Variants in SULF1 observed in about 807,000 individuals in gnomAD.
The protein encoded by SULF1 is extracellular sulfatase Sulf-1.
SULF1 carries 46 observed loss-of-function variants against 110.5 expected under a neutral mutation model. That is an observed-to-expected ratio of 0.42 (90% confidence interval 0.33 to 0.53). The LOEUF (loss-of-function observed/expected upper bound fraction) is 0.53. SULF1 is among the 20% of genes least tolerant of loss of function. SULF1 has a pLI of 0.12. For missense variants in SULF1, 941 were observed against 1,094.2 expected, an observed-to-expected ratio of 0.86 and a Z score of 1.98; for synonymous variants, 371 against 387.1, an observed-to-expected ratio of 0.96 and a Z score of 0.49.
intron 8 of SULF1, among the ~76,000 whole-genome samples, chr8:69,596,536 A>C (rs1807345363): frequency 1.3e-5 from 2 of 152,196 alleles, no homozygotes; most frequent in South Asian, 4.1e-4. Context: ...CTGGTATTTT[A>C]AATCAGGATG....
chr8:69,479,469 T>C (rs1473734852), intron 1 of SULF1, among the ~76,000 whole-genome samples: 1 of 152,192 alleles, frequency 6.6e-6, no homozygotes, highest in Admixed American at 6.5e-5. Context: ...TTCTCATTTG[T>C]AGGACAATTA....
chr8:69,534,519 A>G (rs1813307805), intron 3 of SULF1, among the ~76,000 whole-genome samples: 1 of 152,202 alleles, frequency 6.6e-6, no homozygotes, highest in African/African-American at 2.4e-5. Context: ...GAAGTTTTAG[A>G]ATATATAAGA....
chr8:69,581,138 G>T (rs563289814), intron 6 of SULF1, among the ~76,000 whole-genome samples: 1 of 152,072 alleles, frequency 6.6e-6, no homozygotes, highest in African/African-American at 2.4e-5. Context: ...ATCTAGTTGA[G>T]GAAACCAGAC....
At chr8:69,493,783 A>G (rs536368444) in intron 1 of SULF1, among the ~76,000 whole-genome samples, 1 of 152,374 alleles carries the variant, frequency 6.6e-6, no homozygotes, top group African/African-American at 2.4e-5. Flanking sequence ...CATGGACACT[A>G]ACTTTTTAAG....
intron 3 of SULF1, among the ~76,000 whole-genome samples, chr8:69,532,205 G>A (rs190980249): frequency 1.1e-4 from 17 of 152,158 alleles, no homozygotes; most frequent in African/African-American, 3.1e-4. Flanking sequence ...ATAAATCCTC[G>A]AACTTTATCT....
intron 17 of SULF1, 102 bp downstream of exon 17, chr8:69,627,968 T>C: frequency 1.0e-6 from 1 of 961,784 alleles, no homozygotes; most frequent in Non-Finnish European, 1.6e-6. Flanking sequence ...ATAGAATGTA[T>C]TGTCATAGAG....
chr8:69,582,504 A>G (rs1314519638), intron 6 of SULF1, among the ~76,000 whole-genome samples: 2 of 152,144 alleles, frequency 1.3e-5, no homozygotes, highest in African/African-American at 4.8e-5. Flanking sequence ...TTAATCCTCA[A>G]AACAATCCTG....
At chr8:69,507,202 A>T (rs968270607) in intron 3 of SULF1, among the ~76,000 whole-genome samples, 1 of 152,236 alleles carries the variant, frequency 6.6e-6, no homozygotes, top group Admixed American at 6.5e-5. Flanking sequence ...ATCAGGCCAG[A>T]TGTTTTAAAT....
chr8:69,510,945 TACACACACAC>T lies in SULF1; in HGVS notation c.-134+9009_-134+9018del, dbSNP rs56386460. 4.6e-4 allele frequency among the ~76,000 whole-genome samples: 65 copies of T among 141,226 alleles called. 1 individual carries two copies. The highest frequency in any genetic ancestry group is 1.1e-3 in the East Asian group (5 of 4,614). 92.6% of individuals were successfully genotyped at this position (141,226 alleles called of 152,430 possible). A position where few individuals can be genotyped will look rare whatever the true frequency, so the allele number is the denominator to read the frequency against. On this transcript the variant is annotated intron_variant, in intron 3 of 22. Coordinates refer to ENST00000402687, the MANE Select transcript of SULF1 (RefSeq NM_001128205.2). Reference sequence around the variant, plus strand: ...TAATAATGTTAGTCCATATCATCATTACACACACACACACACACACACACACACACACACA... The same window carrying T: ...TAATAATGTTAGTCCATATCATCATTACACACACACACACACACACACACA...
At chr8:69,592,350 A>C (rs77130882) in intron 8 of SULF1, among the ~76,000 whole-genome samples, 1 of 152,168 alleles carries the variant, frequency 6.6e-6, no homozygotes. Context: ...GCAGAGAGTC[A>C]CTGGAGGTTG....
In SULF1 at chr8:69,610,867, G is replaced by A. The variant is rs1406413379; in HGVS notation, c.1377+5935G>A. 2.0e-5 allele frequency among the ~76,000 whole-genome samples: 3 copies of A among 151,748 alleles called. No homozygotes were observed. In the East Asian group the frequency reaches 5.8e-4, roughly 29 times the overall value. ...GTGAATCCCACTTTCTCACTTGCAT[G>A]GAGGTTGTTACTTCTCTCTTCTCAC... On this transcript the variant is annotated intron_variant, in intron 13 of 22. Coordinates refer to ENST00000402687, the MANE Select transcript of SULF1 (RefSeq NM_001128205.2).
In SULF1 at chr8:69,579,012, T is replaced by A. The variant is rs560097867; in HGVS notation, c.412+2803T>A. 2.2e-3 allele frequency among the ~76,000 whole-genome samples: 331 copies of A among 151,196 alleles called. 6 individuals carry two copies. Among genetic ancestry groups the A allele is most frequent in the Non-Finnish European group, 1.3e-4 (9 of 67,804 alleles). On this transcript the variant is annotated intron_variant, in intron 6 of 22. Transcript: ENST00000402687. ...CTGTCTCTACTAAAAATAGAAAAAATTAGCCAGGCGTGGTGGCGGACGCCT... is the reference window on the plus strand; with the variant it reads ...CTGTCTCTACTAAAAATAGAAAAAAATAGCCAGGCGTGGTGGCGGACGCCT...
At chr8:69,537,574 A>G (rs766588794) in intron 3 of SULF1, among the ~76,000 whole-genome samples, 2 of 152,208 alleles carry the variant, frequency 1.3e-5, no homozygotes, top group Admixed American at 6.5e-5. Flanking sequence ...AAGAATGTGA[A>G]TCATTCAAGG....
upstream of SULF1, chr8:69,492,654 A>G (rs1418973460): frequency 6.6e-6 from 1 of 152,194 alleles, no homozygotes; most frequent in Non-Finnish European, 1.5e-5. Flanking sequence ...TTGCATGCAC[A>G]TATTCAGTTG....
intron 15 of SULF1, among the ~76,000 whole-genome samples, chr8:69,625,211 A>G (rs1809908242): frequency 6.6e-6 from 1 of 152,188 alleles, no homozygotes; most frequent in African/African-American, 2.4e-5. Flanking sequence ...TTATGATGTG[A>G]AAGGTCCCTT....
At chr8:69,559,559 A>T (rs897260134) in intron 3 of SULF1, among the ~76,000 whole-genome samples, 3 of 152,224 alleles carry the variant, frequency 2.0e-5, no homozygotes, top group East Asian at 3.8e-4. Context: ...AACACTGTCA[A>T]TTGTTTCCCT....
chr8:69,548,627 T>G (rs988757250), intron 3 of SULF1, among the ~76,000 whole-genome samples: 1 of 149,148 alleles, frequency 6.7e-6, no homozygotes, highest in Non-Finnish European at 1.5e-5. Flanking sequence ...TTTTTTTTTT[T>G]TTTTTGTATT....
At chr8:69,636,675 T>A (rs527422213) in intron 19 of SULF1, among the ~76,000 whole-genome samples, 145 of 152,004 alleles carry the variant, frequency 9.5e-4, no homozygotes, top group Non-Finnish European at 1.8e-3. Flanking sequence ...TGGCGAGAGG[T>A]CAGGTGAATA....
intron 3 of SULF1, among the ~76,000 whole-genome samples, chr8:69,558,355 C>A (rs1815252937): frequency 6.6e-6 from 1 of 152,184 alleles, no homozygotes; most frequent in Non-Finnish European, 1.5e-5. Context: ...CCTGCCCCTG[C>A]TGTTTCAACT....
Sources: allele counts gnomAD v4.1 joint callset (sites outside exome capture counted in the v4.1 genomes callset), GRCh38; gene constraint gnomAD v4.1.1; transcripts MANE v1.5; gene names NCBI Gene and HGNC (gene_info 2026-07-23, HGNC 2026-07-21).